Variants in ITGAM observed in about 807,000 individuals in gnomAD.
ITGAM encodes the protein integrin subunit alpha M.
ITGAM carries 79 observed loss-of-function variants against 137.5 expected under a neutral mutation model. That is an observed-to-expected ratio of 0.57 (90% CI 0.48 to 0.69). ITGAM has a LOEUF of 0.69. ITGAM is among the 30% of genes least tolerant of loss of function. The pLI, the probability that ITGAM is intolerant of heterozygous loss-of-function variation, is 0.00. For synonymous variants in ITGAM, 583 were observed against 592.3 expected (o/e 0.98, Z 0.23); for missense variants, 1,343 against 1,483.5 (o/e 0.91, Z 1.56).
At chr16:31,275,519 C>T in intron 8 of ITGAM, 30 bp from the exon 9 acceptor site, 1 of 1,610,446 alleles carries the variant, frequency 6.2e-7, no homozygotes, top group South Asian at 1.1e-5. Flanking sequence ...AGCCTCACAC[C>T]ATGATTTAGC....
chr16:31,308,141 C>A (rs1357445953), intron 14 of ITGAM, among the ~76,000 whole-genome samples: 2 of 152,106 alleles, frequency 1.3e-5, no homozygotes. Flanking sequence ...AGGCTTTGGT[C>A]TCAGGATGAT....
At position 31,260,023 on chromosome 16, in the gene ITGAM, AC is replaced by A; in HGVS notation, c.-38del. 3 of 1,343,358 alleles carry A rather than the reference AC, an allele frequency of 2.2e-6. No individual in the cohort carries two copies. Among genetic ancestry groups the A allele is most frequent in the Non-Finnish European group, 2.9e-6 (3 of 1,020,682 alleles). The allele number at this position is 1,343,358 out of a possible 1,614,324, so 83.2% of individuals were successfully genotyped here. A position where few individuals can be genotyped will look rare whatever the true frequency, so the allele number is the denominator to read the frequency against. On this transcript the variant is annotated 5_prime_UTR_variant, in exon 1 of 30. Transcript: ENST00000544665. ...TTGTGGTTCCTCAGTGGTGCCTGCAACCCCTGGTTCACCTCCTTCCAGGTTC... is the reference window on the plus strand; with the variant it reads ...TTGTGGTTCCTCAGTGGTGCCTGCAACCCTGGTTCACCTCCTTCCAGGTTC...
Position 31,329,270 on chromosome 16 carries a change from G to A in ITGAM, c.2835G>A (p.Glu945=), listed in dbSNP as rs776872466. 1 of 1,613,332 alleles carries A rather than the reference G, an allele frequency of 6.2e-7. No individual in the cohort carries two copies. The highest frequency in any genetic ancestry group is 1.1e-5 in the South Asian group (1 of 90,982). The change falls in exon 24 of 30, where the codon GAG becomes GAA. Residue 945 remains glutamate, a synonymous_variant. Coordinates refer to ENST00000544665, the MANE Select transcript of ITGAM (RefSeq NM_000632.4). Reference sequence around the variant, plus strand: ...AATATCTCAACTTCACGGCCTCAGAGAATACCAGTCGGGTCATGCAGCATC... The same window carrying A: ...AATATCTCAACTTCACGGCCTCAGAAAATACCAGTCGGGTCATGCAGCATC... ...STKYLNFTAS[E]NTSRVMQHQY... is the part of the protein sequence containing the mutation.
chr16:31,329,372 A>G, intron 24 of ITGAM, 69 bp downstream of exon 24: 1 of 1,168,458 alleles, frequency 8.6e-7, no homozygotes, highest in African/African-American at 1.5e-5. Flanking sequence ...GAAAATGCAG[A>G]AACAGGGATG....
chr16:31,313,933 A>C (rs1225728060), intron 14 of ITGAM, among the ~76,000 whole-genome samples: 1 of 152,010 alleles, frequency 6.6e-6, no homozygotes, highest in Non-Finnish European at 1.5e-5. Flanking sequence ...AACTGGCATG[A>C]GATGGTATCT....
intron 14 of ITGAM, among the ~76,000 whole-genome samples, chr16:31,303,605 C>T (rs1443599414): frequency 6.6e-6 from 1 of 152,112 alleles, no homozygotes; most frequent in Non-Finnish European, 1.5e-5. Flanking sequence ...CTTACCTCCT[C>T]CCAGACTCCC....
chr16:31,273,514 T>C lies in ITGAM; in HGVS notation c.854T>C (p.Ile285Thr), dbSNP rs759762439. 5 of 1,613,360 alleles carry C rather than the reference T, an allele frequency of 3.1e-6. No homozygotes were observed. Among genetic ancestry groups the C allele is most frequent in the Non-Finnish European group, 4.2e-6 (5 of 1,179,574 alleles). The part of the protein sequence containing the change: ...ADREGVIRYV[I>T]GVGDAFRSEK... ...AGAGAGGGAGTCATTCGCTACGTCA[T>C]TGGGGTAGGGAATGCAGCTCTCAGG... The change falls in exon 8 of 30, where the codon ATT becomes ACT. Residue 285 changes from isoleucine (I) to threonine (T), a missense_variant. By Grantham distance (89) the Ile-to-Thr change is moderately conservative (BLOSUM62 -1). Transcript: ENST00000544665.
chr16:31,311,157 G>A (rs2080325623), intron 14 of ITGAM, among the ~76,000 whole-genome samples: 1 of 152,166 alleles, frequency 6.6e-6, no homozygotes. Flanking sequence ...AGACTTACAT[G>A]TTAGTCCTAA....
At position 31,261,796 on chromosome 16, in the gene ITGAM, A is replaced by G; in HGVS notation, c.133A>G (p.Arg45Gly). The G allele has an allele frequency of 6.2e-7, 1 of 1,606,908 alleles. No homozygotes were observed. The highest frequency in any genetic ancestry group is 8.5e-7 in the Non-Finnish European group (1 of 1,174,444). ...GAGCGTGGTCCAGCTTCAGGGATCCAGGTGAGACCCTTAGATGGAGCCCCC... is the reference window on the plus strand; with the variant it reads ...GAGCGTGGTCCAGCTTCAGGGATCCGGGTGAGACCCTTAGATGGAGCCCCC... ...GQSVVQLQGS[R>G]VVVGAPQEIV... The change falls in exon 2 of 30, where the codon AGG (arginine) becomes GGG (glycine). Residue 45 changes from arginine to glycine, a missense_variant and splice_region_variant. Transcript: ENST00000544665.
At chr16:31,312,312 A>G (rs1479016829) in intron 14 of ITGAM, among the ~76,000 whole-genome samples, 1 of 152,148 alleles carries the variant, frequency 6.6e-6, no homozygotes. Flanking sequence ...AAGAAAAGAA[A>G]TCCAATGAAT....
At chr16:31,331,540 T>C in intron 29 of ITGAM, 96 bp from the exon 30 acceptor site, 1 of 566,392 alleles carries the variant, frequency 1.8e-6, no homozygotes, top group African/African-American at 2.0e-5. Context: ...CTGGGTCCCT[T>C]CTGTCTCTGC....
In ITGAM at chr16:31,325,521, T is replaced by C; in HGVS notation, c.2527T>C (p.Trp843Arg). The C allele has an allele frequency of 3.7e-6, 6 of 1,613,986 alleles. No homozygotes were observed. The highest frequency in any genetic ancestry group is 5.1e-6 in the Non-Finnish European group (6 of 1,179,882). ...CCAGAACCAGCGCTCACAGCGATCC[T>C]GGCGCCTGGCCTGTGAGTCTGCCTC... is the stretch of plus-strand genomic sequence containing the variant. ...TLQNQRSQRS[W>R]RLACESASST... Residue 843 changes from tryptophan to arginine, a missense_variant, in exon 21 of 30, where the codon TGG becomes CGG. Transcript: ENST00000544665.
At chr16:31,328,836 G>A (rs2080541696) in intron 23 of ITGAM, among the ~76,000 whole-genome samples, 1 of 151,808 alleles carries the variant, frequency 6.6e-6, no homozygotes, top group Admixed American at 6.6e-5. Context: ...GCGCATGGGT[G>A]TGTATTTGTG....
Position 31,266,219 on chromosome 16 carries a change from T to C in ITGAM, c.427+72T>C, listed in dbSNP as rs922268359. ...GGGAGGGGGCAGGACTGAGGTGACG[T>C]CTGCTCAAGGTCTGGGCTCTGGGTG... On this transcript the variant is annotated intron_variant, in intron 5 of 29. Transcript: ENST00000544665. 1.7e-5 allele frequency: 18 copies of C among 1,060,040 alleles called. No homozygotes were observed. The African/African-American group carries it at 1.7e-4, about 10-fold the overall frequency. 65.7% of individuals were successfully genotyped at this position (1,060,040 alleles called of 1,614,324 possible). A position where few individuals can be genotyped will look rare whatever the true frequency, so the allele number is the denominator to read the frequency against.
intron 5 of ITGAM, among the ~76,000 whole-genome samples, chr16:31,270,170 TTC>T (rs991320252): frequency 6.7e-6 from 1 of 148,780 alleles, no homozygotes; most frequent in African/African-American, 2.5e-5. Flanking sequence ...TTCCTTTCCT[TTC>T]CTTTCCTTTC....
chr16:31,295,656 A>G, intron 12 of ITGAM, among the ~76,000 whole-genome samples: 1 of 150,932 alleles, frequency 6.6e-6, no homozygotes, highest in East Asian at 1.9e-4. Flanking sequence ...ATATCATTTT[A>G]AGTGTAAACA....
intron 9 of ITGAM, 130 bp from the exon 10 acceptor site, chr16:31,276,541 A>T: frequency 3.1e-6 from 2 of 650,752 alleles, no homozygotes; most frequent in Non-Finnish European, 5.5e-6. Flanking sequence ...CATGTTCACC[A>T]GACTGGTCTC....
intron 21 of ITGAM, among the ~76,000 whole-genome samples, chr16:31,326,251 T>G (rs1403811120): frequency 6.6e-6 from 1 of 152,122 alleles, no homozygotes; most frequent in Non-Finnish European, 1.5e-5. Context: ...ATGCAACCAC[T>G]AATCTACTTT....
At chr16:31,305,874 G>A (rs751293006) in intron 14 of ITGAM, among the ~76,000 whole-genome samples, 4 of 152,012 alleles carry the variant, frequency 2.6e-5, no homozygotes, top group Middle Eastern at 3.2e-3. Context: ...CTAGTATTTT[G>A]TTAAGGATTT....
Sources: gnomAD v4.1 joint callset for allele counts (sites outside exome capture counted in the v4.1 genomes callset) on GRCh38, gnomAD v4.1.1 for gene constraint, MANE v1.5 for transcripts, NCBI Gene and HGNC (gene_info 2026-07-23, HGNC 2026-07-21) for gene names.